Variants in TSC22D1 observed in about 807,000 individuals in gnomAD.
TSC22D1 encodes the protein TSC22 domain family protein 1.
TSC22D1 carries 9 observed loss-of-function variants against 74.2 expected under a neutral mutation model. The observed-to-expected ratio is 0.12, with a 90% confidence interval of 0.07 to 0.21. The LOEUF (loss-of-function observed/expected upper bound fraction) is 0.21, where lower values mean the gene tolerates loss of function less well. Ranked by LOEUF, TSC22D1 falls within the 10% of genes least tolerant of loss-of-function variation. TSC22D1 has a pLI of 1.00. For synonymous variants in TSC22D1, 586 were observed against 492.5 expected, an observed-to-expected ratio of 1.19 and a Z score of -2.51; for missense variants, 1,427 against 1,304.7, an observed-to-expected ratio of 1.09 and a Z score of -1.44.
At chr13:44,576,356 A>C, upstream of TSC22D1, 1 of 389,504 alleles carries the variant, frequency 2.6e-6, no homozygotes, top group Non-Finnish European at 4.6e-6. Flanking sequence ...ACCCCCCTTT[A>C]TATTCTGCTT....
chr13:44,563,922 T>A (rs1378446246), intron 1 of TSC22D1, among the ~76,000 whole-genome samples: 1 of 152,258 alleles, frequency 6.6e-6, no homozygotes, highest in African/African-American at 2.4e-5. Flanking sequence ...TACTTAGCCC[T>A]TATATTGCCA....
At chr13:44,436,419 A>C in intron 1 of TSC22D1, 4 of 1,492,608 alleles carry the variant, frequency 2.7e-6, no homozygotes, top group African/African-American at 1.4e-5. Flanking sequence ...CAATGGACAA[A>C]GGAATTCGCC....
chr13:44,548,484 T>C (rs1881979835), intron 1 of TSC22D1, among the ~76,000 whole-genome samples: 1 of 152,192 alleles, frequency 6.6e-6, no homozygotes, highest in Non-Finnish European at 1.5e-5. Flanking sequence ...TGAAACAACT[T>C]CAAATTCATT....
intron 1 of TSC22D1, among the ~76,000 whole-genome samples, chr13:44,438,694 T>TA (rs890793658): frequency 9.9e-5 from 15 of 151,050 alleles, no homozygotes; most frequent in African/African-American, 2.9e-4. Context: ...TATGATGCTT[T>TA]AAAAAAAAAG....
chr13:44,467,848 C>T (rs1283614581), intron 1 of TSC22D1, among the ~76,000 whole-genome samples: 1 of 152,062 alleles, frequency 6.6e-6, no homozygotes, highest in Non-Finnish European at 1.5e-5. Flanking sequence ...TCTCAGAAAA[C>T]TAAAAGAAGA....
Position 44,558,409 on chromosome 13 carries a change from C to T in TSC22D1, c.2912+14754G>A, listed in dbSNP as rs146233520. 4.1e-3 allele frequency among the ~76,000 whole-genome samples: 624 copies of T among 152,166 alleles called. 12 individuals are homozygous for T. The highest frequency in any genetic ancestry group is 0.031 in the Admixed American group (466 of 15,268). ...TTATTATCAATCTTATACAAGCTTA[C>T]AAAAAAGAGGAGCTAAACAGTTGCC... On this transcript the variant is annotated intron_variant, in intron 1 of 2. Coordinates refer to ENST00000458659, the MANE Select transcript of TSC22D1 (RefSeq NM_183422.4).
chr13:44,515,655 C>A (rs983093916), intron 1 of TSC22D1, among the ~76,000 whole-genome samples: 11 of 152,106 alleles, frequency 7.2e-5, no homozygotes, highest in Non-Finnish European at 1.2e-4. Context: ...CCAGGCTGGC[C>A]TCGAACTCCT....
intron 1 of TSC22D1, among the ~76,000 whole-genome samples, chr13:44,549,880 C>G (rs1434711497): frequency 1.3e-5 from 2 of 151,320 alleles, no homozygotes; most frequent in African/African-American, 4.9e-5. Flanking sequence ...GATTTCTATA[C>G]AGTAATGAGG....
At chr13:44,435,142 A>T in intron 2 of TSC22D1, 1 of 393,144 alleles carries the variant, frequency 2.5e-6, no homozygotes, top group Non-Finnish European at 4.5e-6. Context: ...AGGCTTCCTG[A>T]GACTGGGCCA....
At chr13:44,540,833 T>C (rs1881426165) in intron 1 of TSC22D1, among the ~76,000 whole-genome samples, 1 of 152,162 alleles carries the variant, frequency 6.6e-6, no homozygotes, top group Non-Finnish European at 1.5e-5. Context: ...TATTTAAAGT[T>C]ACAGGGACTG....
intron 1 of TSC22D1, among the ~76,000 whole-genome samples, chr13:44,488,066 A>C (rs1197629161): frequency 6.6e-6 from 1 of 152,184 alleles, no homozygotes; most frequent in African/African-American, 2.4e-5. Context: ...TCAAAAGAAA[A>C]AAAAAGAAAC....
At chr13:44,558,448 T>C (rs1480210902) in intron 1 of TSC22D1, among the ~76,000 whole-genome samples, 1 of 152,144 alleles carries the variant, frequency 6.6e-6, no homozygotes, top group East Asian at 1.9e-4. Flanking sequence ...TTAAATGTTA[T>C]GTACCTTCAG....
chr13:44,492,739 T>C (rs2137962020), intron 1 of TSC22D1, among the ~76,000 whole-genome samples: 1 of 152,320 alleles, frequency 6.6e-6, no homozygotes, highest in South Asian at 2.1e-4. Context: ...AAAGTTACTA[T>C]GATGTGTTAG....
chr13:44,434,463 A>G lies in TSC22D1; in HGVS notation c.*163T>C, dbSNP rs1874346194. 1 of 1,382,790 alleles carries G rather than the reference A, an allele frequency of 7.2e-7. No individual in the cohort carries two copies. The highest frequency in any genetic ancestry group is 9.3e-7 in the Non-Finnish European group (1 of 1,075,752). The allele number at this position is 1,382,790 out of a possible 1,614,324, so 85.7% of individuals were successfully genotyped here. A position where few individuals can be genotyped will look rare whatever the true frequency, so the allele number is the denominator to read the frequency against. On this transcript the variant is annotated 3_prime_UTR_variant, in exon 3 of 3. Transcript: ENST00000458659. ...AGAAATTTCTCCAAGCCATAAGCATATGAGTGTTTAATACTGGAAAAGAGA... is the reference window on the plus strand; with the variant it reads ...AGAAATTTCTCCAAGCCATAAGCATGTGAGTGTTTAATACTGGAAAAGAGA...
At chr13:44,468,014 A>C (rs1266839460) in intron 1 of TSC22D1, among the ~76,000 whole-genome samples, 3 of 152,170 alleles carry the variant, frequency 2.0e-5, no homozygotes, top group Non-Finnish European at 2.9e-5. Flanking sequence ...ACACACACAC[A>C]CACACACAAT....
chr13:44,551,387 T>TGGGG (rs1223754453), intron 1 of TSC22D1, among the ~76,000 whole-genome samples: 4 of 85,196 alleles, frequency 4.7e-5, no homozygotes, highest in Non-Finnish European at 7.2e-5. Context: ...CCCAATCAGA[T>TGGGG]GGGTGTGTGT....
At position 44,574,012 on chromosome 13, in the gene TSC22D1, T is replaced by G. The variant is rs1397641945; in HGVS notation, c.2063A>C (p.Gln688Pro). ...GAGTTVIPVA[Q>P]PQGIQLPVQP... ...CACTGGCAGCTGGATACCCTGTGGC[T>G]GAGCCACAGGAATCACTGTTGTTCC... The change falls in exon 1 of 3, where the codon CAG becomes CCG. Residue 688 changes from glutamine (Q) to proline (P), a missense_variant. This residue lies in a region of TSC22D1 where 1,343 missense variants were observed against 1,191.5 expected (regional missense o/e 1.13). Coordinates refer to ENST00000458659, the MANE Select transcript of TSC22D1 (RefSeq NM_183422.4). 13 of 1,613,932 alleles carry G rather than the reference T, an allele frequency of 8.1e-6. No homozygotes were observed. Among genetic ancestry groups the G allele is most frequent in the Non-Finnish European group, 1.1e-5 (13 of 1,180,052 alleles).
intron 1 of TSC22D1, among the ~76,000 whole-genome samples, chr13:44,438,657 T>TTTATAAAAA (rs1343783913): frequency 6.6e-6 from 1 of 152,092 alleles, no homozygotes; most frequent in Non-Finnish European, 1.5e-5. Flanking sequence ...ATATTTATAA[T>TTTATAAAAA]TTATAAAAAT....
chr13:44,528,658 G>T (rs564242636), intron 1 of TSC22D1, among the ~76,000 whole-genome samples: 3 of 151,934 alleles, frequency 2.0e-5, no homozygotes, highest in South Asian at 4.1e-4. Context: ...AAAGAAATCA[G>T]ATCAGAAATC....
Sources: allele counts gnomAD v4.1 joint callset (sites outside exome capture counted in the v4.1 genomes callset), GRCh38; gene constraint gnomAD v4.1.1; regional missense constraint gnomAD v4.1.1; transcripts MANE v1.5; gene names NCBI Gene and HGNC (gene_info 2026-07-23, HGNC 2026-07-21).